Variants in KIAA0825 observed in about 807,000 individuals in gnomAD.
KIAA0825 encodes uncharacterized protein KIAA0825.
A neutral mutation model predicts 147.6 loss-of-function variants in KIAA0825; 119 were observed. The ratio of observed to expected loss-of-function variants is 0.81; its 90% CI spans 0.69 to 0.94. The LOEUF (loss-of-function observed/expected upper bound fraction) is 0.94, where lower values mean the gene tolerates loss of function less well. Among genes scored for constraint, KIAA0825 ranks in the 40% least tolerant of loss-of-function variants. The pLI, the probability that KIAA0825 is intolerant of heterozygous loss-of-function variation, is 0.00. For synonymous variants in KIAA0825, 470 were observed against 518.1 expected, an observed-to-expected ratio of 0.91 and a Z score of 1.26; for missense variants, 1,381 against 1,472.7, an observed-to-expected ratio of 0.94 and a Z score of 1.02.
intron 1 of KIAA0825, among the ~76,000 whole-genome samples, chr5:94,613,374 T>A (rs144115071): frequency 0.016 from 2,452 of 152,204 alleles, 71 homozygotes; most frequent in African/African-American, 0.055. Context: ...TTTTTGTATT[T>A]TTTTGGTAGA....
At chr5:94,428,146 TGTG>T (rs1755156075) in intron 14 of KIAA0825, among the ~76,000 whole-genome samples, 2 of 9,792 alleles carry the variant, frequency 2.0e-4, no homozygotes, top group Non-Finnish European at 6.1e-4. Flanking sequence ...GGTCTTGTTG[TGTG>T]TGTGTGTGTG....
chr5:94,216,439 G>T (rs1012107895), intron 20 of KIAA0825, among the ~76,000 whole-genome samples: 2 of 152,166 alleles, frequency 1.3e-5, no homozygotes, highest in Non-Finnish European at 2.9e-5. Context: ...GGAATGGAAG[G>T]TAGGTTTAAT....
At chr5:94,298,624 T>G (rs1289899303) in intron 20 of KIAA0825, among the ~76,000 whole-genome samples, 1 of 152,236 alleles carries the variant, frequency 6.6e-6, no homozygotes, top group Non-Finnish European at 1.5e-5. Context: ...TTGTTACTGC[T>G]TTTTCTTTTT....
intron 5 of KIAA0825, among the ~76,000 whole-genome samples, chr5:94,500,553 GA>G (rs962268875): frequency 6.6e-6 from 1 of 152,084 alleles, no homozygotes; most frequent in African/African-American, 2.4e-5. Flanking sequence ...GGGATCCAGG[GA>G]ATGGTGAGGA....
chr5:94,399,959 G>T (rs1280066794), intron 16 of KIAA0825, among the ~76,000 whole-genome samples: 1 of 151,982 alleles, frequency 6.6e-6, no homozygotes, highest in Admixed American at 6.6e-5. Flanking sequence ...TTTTAAATCT[G>T]AGCTTAACAC....
At chr5:94,266,913 A>G (rs1209282637) in intron 20 of KIAA0825, among the ~76,000 whole-genome samples, 1 of 152,202 alleles carries the variant, frequency 6.6e-6, no homozygotes, top group Non-Finnish European at 1.5e-5. Context: ...AGAATATATA[A>G]GAGTCCTTAG....
At chr5:94,371,697 A>T (rs1439468947) in intron 20 of KIAA0825, among the ~76,000 whole-genome samples, 1 of 152,208 alleles carries the variant, frequency 6.6e-6, no homozygotes, top group Non-Finnish European at 1.5e-5. Flanking sequence ...ACTAAAATTC[A>T]AGATGAGATT....
At chr5:94,500,997 C>G (rs1452253409) in intron 5 of KIAA0825, among the ~76,000 whole-genome samples, 1 of 152,000 alleles carries the variant, frequency 6.6e-6, no homozygotes, top group African/African-American at 2.4e-5. Context: ...CTCAGGTGAT[C>G]CACCCACCTC....
At chr5:94,271,080 G>A (rs1776959736) in intron 20 of KIAA0825, among the ~76,000 whole-genome samples, 1 of 151,922 alleles carries the variant, frequency 6.6e-6, no homozygotes, top group Admixed American at 6.6e-5. Flanking sequence ...AATTTGAAAA[G>A]GTATAATTTG....
intron 7 of KIAA0825, among the ~76,000 whole-genome samples, chr5:94,475,064 G>C (rs1349176469): frequency 1.3e-5 from 2 of 151,700 alleles, no homozygotes; most frequent in Non-Finnish European, 2.9e-5. Context: ...ACTCCAGCCT[G>C]GGCAACAGAG....
intron 20 of KIAA0825, among the ~76,000 whole-genome samples, chr5:94,176,874 C>T (rs1248604297): frequency 6.6e-6 from 1 of 152,062 alleles, no homozygotes; most frequent in Non-Finnish European, 1.5e-5. Context: ...ATTTCATTTT[C>T]CCAAAACTTC....
At position 94,249,507 on chromosome 5, in the gene KIAA0825, G is replaced by A. The variant is rs1775827611; in HGVS notation, c.3711-95383C>T. 3.9e-5 allele frequency among the ~76,000 whole-genome samples: 6 copies of A among 151,998 alleles called. No homozygotes were observed. In the South Asian group the frequency reaches 1.2e-3, roughly 32 times the overall value. On this transcript the variant is annotated intron_variant, in intron 20 of 20. Coordinates refer to ENST00000682413, the MANE Select transcript of KIAA0825 (RefSeq NM_001145678.3). ...TGGTAGTGACAGCAGAGCACTAAAC[G>A]GGGGCCCTTTAAGCATGAGGGCATG...
intron 4 of KIAA0825, among the ~76,000 whole-genome samples, chr5:94,522,444 A>G (rs1768405876): frequency 6.6e-6 from 1 of 151,760 alleles, no homozygotes; most frequent in Non-Finnish European, 1.5e-5. Flanking sequence ...GTCCGTAAAT[A>G]ACTGTAAATA....
chr5:94,523,938 T>A lies in KIAA0825; in HGVS notation c.292A>T (p.Lys98Ter). 6.3e-7 allele frequency: 1 copy of A among 1,594,044 alleles called. No individual in the cohort carries two copies. The highest frequency in any genetic ancestry group is 2.2e-5 in the East Asian group (1 of 44,496). ...ATAAAAATTCATTTTACCAGTGTTT[T>A]GAAAAATTTTATCAAGTCTCCATGA... ...ISHGDLIKFF[K>*]TLQDLLKNEQ... The change falls in exon 4 of 21, where the codon AAA becomes TAA. Residue 98 changes from lysine to a stop codon, truncating the protein, a stop_gained. Coordinates refer to ENST00000682413, the MANE Select transcript of KIAA0825 (RefSeq NM_001145678.3). LOFTEE classifies it high-confidence loss of function.
At chr5:94,339,983 G>T (rs1782201572) in intron 20 of KIAA0825, among the ~76,000 whole-genome samples, 2 of 152,054 alleles carry the variant, frequency 1.3e-5, no homozygotes, top group African/African-American at 4.8e-5. Context: ...CCTCTTAAAA[G>T]AAATCATTTT....
chr5:94,263,356 G>C (rs565800054), intron 20 of KIAA0825, among the ~76,000 whole-genome samples: 1 of 152,100 alleles, frequency 6.6e-6, no homozygotes, highest in Admixed American at 6.5e-5. Context: ...CCTAGGCCTC[G>C]TTATTTCCTG....
chr5:94,559,673 G>A (rs1275298637), intron 2 of KIAA0825, among the ~76,000 whole-genome samples: 1 of 152,024 alleles, frequency 6.6e-6, no homozygotes, highest in East Asian at 1.9e-4. Context: ...GATCCTTTTG[G>A]TCATTTCAGC....
chr5:94,579,144 ACT>A (rs1468954976), intron 2 of KIAA0825, among the ~76,000 whole-genome samples: 8 of 150,472 alleles, frequency 5.3e-5, no homozygotes, highest in African/African-American at 2.0e-4. Context: ...CTTGTCTTGA[ACT>A]CCTGACCTCG....
chr5:94,616,591 T>C (rs1263234946), intron 1 of KIAA0825, among the ~76,000 whole-genome samples: 1 of 152,154 alleles, frequency 6.6e-6, no homozygotes, highest in African/African-American at 2.4e-5. Context: ...TGTGAAAAGC[T>C]GTCTAAAGAG....
Sources: allele counts gnomAD v4.1 joint callset (sites outside exome capture counted in the v4.1 genomes callset), GRCh38; gene constraint gnomAD v4.1.1; transcripts MANE v1.5; gene names NCBI Gene and HGNC (gene_info 2026-07-23, HGNC 2026-07-21).